The following RGPD2 variants were observed in gnomAD, a reference collection of about 807,000 sequenced individuals.
The protein encoded by RGPD2 is RANBP2 like and GRIP domain containing 2.
RGPD2 carries 2 observed loss-of-function variants against 36.0 expected under a neutral mutation model. The ratio of observed to expected loss-of-function variants is 0.06; its 90% CI spans 0.02 to 0.17. The LOEUF (loss-of-function observed/expected upper bound fraction) is 0.17. Ranked by LOEUF, RGPD2 falls within the 10% of genes least tolerant of loss-of-function variation. The pLI is 1.00. For synonymous variants in RGPD2, 19 were observed against 163.8 expected (o/e 0.12, Z 6.75); for missense variants, 40 against 464.3 (o/e 0.09, Z 8.40).
the RGPD2 span, among the ~76,000 whole-genome samples, chr2:87,916,914 A>T: frequency 6.6e-6 from 1 of 152,084 alleles, no homozygotes; most frequent in Admixed American, 6.6e-5. Flanking sequence ...GAAGAAAATA[A>T]ATACTATGCA....
the RGPD2 span, among the ~76,000 whole-genome samples, chr2:87,973,404 G>C: frequency 4.6e-5 from 6 of 131,816 alleles, no homozygotes; most frequent in Non-Finnish European, 8.5e-5. Context: ...ACTACTCCCC[G>C]TGTGCACTGC....
the RGPD2 span, among the ~76,000 whole-genome samples, chr2:87,879,436 A>C: frequency 7.1e-6 from 1 of 141,258 alleles, no homozygotes. Context: ...CTCATTAACC[A>C]TCCTCACATC....
chr2:87,825,910 C>A (rs1395911515), upstream of RGPD2: 7 of 756,970 alleles, frequency 9.2e-6, no homozygotes, highest in Non-Finnish European at 1.4e-5. Context: ...GAGCTGCACT[C>A]GGCCGGGCTC....
the RGPD2 span, among the ~76,000 whole-genome samples, chr2:87,877,533 G>C: frequency 1.3e-5 from 2 of 152,132 alleles, no homozygotes; most frequent in Non-Finnish European, 2.9e-5. Flanking sequence ...GCCAGGCGCA[G>C]TGGCTCACAC....
chr2:87,865,410 G>C, the RGPD2 span, among the ~76,000 whole-genome samples: 1 of 152,264 alleles, frequency 6.6e-6, no homozygotes, highest in East Asian at 1.9e-4. Flanking sequence ...TTTTTGTAAA[G>C]CTTGGTAGAC....
chr2:87,825,930 C>G (rs1444132862), upstream of RGPD2: 4 of 609,450 alleles, frequency 6.6e-6, no homozygotes, highest in East Asian at 3.8e-5. Context: ...CTTGGCAGCA[C>G]CCTGTGCTCT....
At chr2:87,853,544 A>G in the RGPD2 span, among the ~76,000 whole-genome samples, 1 of 151,076 alleles carries the variant, frequency 6.6e-6, no homozygotes, top group African/African-American at 2.4e-5. Context: ...TTTTCAAGAG[A>G]TATTCTTGAT....
the RGPD2 span, among the ~76,000 whole-genome samples, chr2:87,915,051 G>T: frequency 1.8e-4 from 27 of 152,000 alleles, no homozygotes; most frequent in African/African-American, 6.3e-4. Flanking sequence ...GGAGGCTGTG[G>T]CAGGAGAATC....
the RGPD2 span, among the ~76,000 whole-genome samples, chr2:87,983,767 G>A: frequency 2.3e-4 from 34 of 148,622 alleles, no homozygotes; most frequent in East Asian, 8.1e-4. Flanking sequence ...ACGTCTTGTC[G>A]GAGGGAAAGC....
chr2:87,984,929 CAAAAA>C, the RGPD2 span, among the ~76,000 whole-genome samples: 16 of 68,688 alleles, frequency 2.3e-4, no homozygotes, highest in Non-Finnish European at 1.9e-4. Context: ...CATTCTGTCT[CAAAAA>C]AAAAAAAAAA....
chr2:87,988,541 A>ATATATATTTTTTTT, the RGPD2 span, among the ~76,000 whole-genome samples: 1 of 54,152 alleles, frequency 1.8e-5, no homozygotes, highest in African/African-American at 4.4e-5. Context: ...ATATATATAT[A>ATATATATTTTTTTT]TTTTTTTTTT....
chr2:87,835,422 AC>A, the RGPD2 span, among the ~76,000 whole-genome samples: 1 of 39,280 alleles, frequency 2.5e-5, no homozygotes, highest in Non-Finnish European at 4.6e-5. Flanking sequence ...ATATGGGATT[AC>A]GTAGACACCA....
At chr2:87,963,140 ATTAAT>A in the RGPD2 span, among the ~76,000 whole-genome samples, 2 of 152,242 alleles carry the variant, frequency 1.3e-5, no homozygotes, top group Middle Eastern at 3.4e-3. Context: ...ATAATATTTA[ATTAAT>A]TTAAAAATAA....
the RGPD2 span, among the ~76,000 whole-genome samples, chr2:87,974,077 G>A: frequency 1.3e-5 from 2 of 151,310 alleles, no homozygotes; most frequent in African/African-American, 2.4e-5. Context: ...CGGCCGCTCT[G>A]AACTGATGGC....
chr2:87,973,365 G>A, the RGPD2 span, among the ~76,000 whole-genome samples: 8 of 123,894 alleles, frequency 6.5e-5, no homozygotes, highest in East Asian at 2.0e-3. Context: ...AGGAGGTGAG[G>A]GTTAGTGCCA....
the RGPD2 span, among the ~76,000 whole-genome samples, chr2:87,948,431 G>C: frequency 2.7e-5 from 4 of 150,156 alleles, no homozygotes; most frequent in African/African-American, 9.8e-5. Context: ...GCCCAGGCTA[G>C]AGTGCAATGG....
chr2:87,854,923 T>C, the RGPD2 span, among the ~76,000 whole-genome samples: 2 of 152,218 alleles, frequency 1.3e-5, no homozygotes, highest in Admixed American at 1.3e-4. Context: ...TGATTTGATA[T>C]ACATATGCAT....
chr2:87,978,830 A>G, the RGPD2 span, among the ~76,000 whole-genome samples: 1 of 143,320 alleles, frequency 7.0e-6, no homozygotes, highest in Admixed American at 7.0e-5. Flanking sequence ...AGGTAGGAGG[A>G]TGGCTTGAGC....
the RGPD2 span, among the ~76,000 whole-genome samples, chr2:87,846,251 G>A: frequency 6.6e-6 from 1 of 151,834 alleles, no homozygotes; most frequent in African/African-American, 2.4e-5. Flanking sequence ...GGATGTATAC[G>A]AAGGTAAGAA....
Sources: gnomAD v4.1 joint callset for allele counts (sites outside exome capture counted in the v4.1 genomes callset) on GRCh38, gnomAD v4.1.1 for gene constraint, MANE v1.5 for transcripts, NCBI Gene and HGNC (gene_info 2026-07-23, HGNC 2026-07-21) for gene names.